Variants in SLC24A2 observed in about 807,000 individuals in gnomAD.
SLC24A2 encodes the protein sodium/potassium/calcium exchanger 2.
In SLC24A2, 36 loss-of-function variants were observed where a neutral mutation model predicts 62.0. The observed-to-expected ratio is 0.58, with a 90% CI of 0.44 to 0.77. The LOEUF (loss-of-function observed/expected upper bound fraction) is 0.77, where lower values mean the gene tolerates loss of function less well. SLC24A2 is among the 30% of genes least tolerant of loss of function. The pLI, the probability that SLC24A2 is intolerant of heterozygous loss-of-function variation, is 0.00. For synonymous variants in SLC24A2, 358 were observed against 294.0 expected, an observed-to-expected ratio of 1.22 and a Z score of -2.23; for missense variants, 846 against 817.9, an observed-to-expected ratio of 1.03 and a Z score of -0.42.
At chr9:19,578,302 G>A (rs1013004712) in intron 5 of SLC24A2, among the ~76,000 whole-genome samples, 4 of 149,780 alleles carry the variant, frequency 2.7e-5, no homozygotes, top group African/African-American at 9.9e-5. Context: ...TAACACAAGT[G>A]CGATGTTTCA....
rs1823184414 is a variant in SLC24A2, at chr9:19,786,676, G to T, written c.191C>A (p.Thr64Lys). 3.1e-6 allele frequency: 5 copies of T among 1,613,692 alleles called. No homozygotes were observed. In the East Asian group the frequency reaches 8.9e-5, roughly 29 times the overall value. Residue 64 changes from threonine to lysine, a missense_variant, in exon 2 of 11, where the codon ACA becomes AAA. Physicochemically the swap from Thr to Lys is moderately conservative, Grantham distance 78. Coordinates refer to ENST00000341998, the MANE Select transcript of SLC24A2 (RefSeq NM_020344.4). This position sits in a 1 kb window ranked among gnomAD's most constrained non-coding sequence, Gnocchi z 5.0. Reference protein sequence around the residue: ...FSISAFSETDTQSTGEASVVS... With the variant: ...FSISAFSETDKQSTGEASVVS... ...AACACTGGCCTCTCCTGTGCTCTGT[G>T]TATCTGTCTCAGAAAAGGCACTGAT...
chr9:19,650,765 C>T (rs1818777348), intron 2 of SLC24A2, among the ~76,000 whole-genome samples: 1 of 151,746 alleles, frequency 6.6e-6, no homozygotes, highest in Admixed American at 6.6e-5. Context: ...CAAACAGCAA[C>T]TAGGATTCAC....
the SLC24A2 span, among the ~76,000 whole-genome samples, chr9:19,868,186 C>G: frequency 6.6e-6 from 1 of 151,718 alleles, no homozygotes; most frequent in Non-Finnish European, 1.5e-5. Context: ...TTATGCAACC[C>G]ATAAATTTTG....
chr9:19,574,252 G>C (rs754561299), intron 6 of SLC24A2, among the ~76,000 whole-genome samples: 1 of 152,210 alleles, frequency 6.6e-6, no homozygotes, highest in Non-Finnish European at 1.5e-5. Flanking sequence ...GCAAGGGGGA[G>C]CTCGACAAGT....
At chr9:19,573,503 C>G (rs767331505) in intron 6 of SLC24A2, 34 bp from the exon 7 acceptor site, 5 of 322,214 alleles carry the variant, frequency 1.6e-5, no homozygotes, top group Non-Finnish European at 2.7e-5. Context: ...CACACACACA[C>G]ACACACACAC....
intron 2 of SLC24A2, among the ~76,000 whole-genome samples, chr9:19,736,021 A>G (rs1404910009): frequency 6.6e-6 from 1 of 152,196 alleles, no homozygotes; most frequent in African/African-American, 2.4e-5. Context: ...AAGAATTAAA[A>G]TATGTGATAA....
chr9:19,576,784 T>C (rs972913564), intron 6 of SLC24A2, 140 bp downstream of exon 6: 2 of 730,424 alleles, frequency 2.7e-6, no homozygotes, highest in African/African-American at 1.7e-5. Context: ...GAGGGACTCA[T>C]TTCCTGTTGC....
intron 2 of SLC24A2, among the ~76,000 whole-genome samples, chr9:19,762,590 G>C (rs576496449): frequency 6.6e-6 from 1 of 152,162 alleles, no homozygotes; most frequent in East Asian, 1.9e-4. Flanking sequence ...GCTTGTTTTT[G>C]TCACATTTGT....
At chr9:20,034,546 G>A in the SLC24A2 span, among the ~76,000 whole-genome samples, 1 of 136,870 alleles carries the variant, frequency 7.3e-6, no homozygotes, top group Non-Finnish European at 1.5e-5. Flanking sequence ...TGCAAGCTCT[G>A]CACCCCCCAC....
At chr9:19,571,532 G>A (rs1490644238) in intron 7 of SLC24A2, among the ~76,000 whole-genome samples, 1 of 152,070 alleles carries the variant, frequency 6.6e-6, no homozygotes, top group Non-Finnish European at 1.5e-5. Flanking sequence ...CTTTAGGGTA[G>A]TGCTACTCCA....
the SLC24A2 span, among the ~76,000 whole-genome samples, chr9:19,904,765 C>A: frequency 9.2e-5 from 14 of 152,080 alleles, no homozygotes; most frequent in African/African-American, 3.1e-4. Context: ...TGACTCATTT[C>A]TTACTGAATG....
chr9:20,005,230 G>A, the SLC24A2 span, among the ~76,000 whole-genome samples: 2 of 152,016 alleles, frequency 1.3e-5, no homozygotes, highest in Admixed American at 6.5e-5. Context: ...CAAGCAAATT[G>A]GAAAGCCCTT....
At chr9:19,756,903 C>CTGTTTTT (rs1822156990) in intron 2 of SLC24A2, among the ~76,000 whole-genome samples, 1 of 78,522 alleles carries the variant, frequency 1.3e-5, no homozygotes, top group East Asian at 4.4e-4. Context: ...TTTACTGAAG[C>CTGTTTTT]TTTTTTTTTT....
rs370050813 is a variant in SLC24A2 at position 19,516,291 on chromosome 9, G to A, written c.1848C>T (p.Phe616=). The change falls in exon 11 of 11, where the codon TTC becomes TTT. Residue 616 remains phenylalanine, a synonymous_variant. Transcript: ENST00000341998. ...TGCAGAGGGCGATAGAGAGGATGAC[G>A]AAGAGCAGCATGATGAAGAGAAGGA... The part of the protein sequence containing the change: ...AIVLLFIMLL[F]VILSIALCKW... 26 of 1,614,184 alleles carry A rather than the reference G, an allele frequency of 1.6e-5. No homozygotes were observed. The highest frequency in any genetic ancestry group is 1.8e-5 in the Non-Finnish European group (21 of 1,180,034).
At chr9:20,114,018 C>A in the SLC24A2 span, among the ~76,000 whole-genome samples, 2 of 152,110 alleles carry the variant, frequency 1.3e-5, no homozygotes, top group South Asian at 2.1e-4. Flanking sequence ...CAGACCACAT[C>A]GTAGGAAAAG....
At chr9:20,072,189 G>A in the SLC24A2 span, among the ~76,000 whole-genome samples, 1 of 152,152 alleles carries the variant, frequency 6.6e-6, no homozygotes, top group Non-Finnish European at 1.5e-5. Context: ...GTGTCAAAAT[G>A]TGATTGGACA....
At chr9:19,904,786 T>G in the SLC24A2 span, among the ~76,000 whole-genome samples, 1 of 152,204 alleles carries the variant, frequency 6.6e-6, no homozygotes, top group Non-Finnish European at 1.5e-5. Flanking sequence ...GATCCACACT[T>G]CTTTTTGCAC....
the SLC24A2 span, among the ~76,000 whole-genome samples, chr9:20,025,060 T>C: frequency 6.6e-6 from 1 of 152,208 alleles, no homozygotes; most frequent in Admixed American, 6.5e-5. Flanking sequence ...ACCCAGGATA[T>C]TCACAATACT....
chr9:20,113,082 T>TG, the SLC24A2 span, among the ~76,000 whole-genome samples: 17,252 of 152,148 alleles, frequency 0.11, 1,029 homozygotes, highest in Middle Eastern at 0.18. Context: ...CTCAGAGTTT[T>TG]GGGGCATAGA....
Sources: allele counts gnomAD v4.1 joint callset (sites outside exome capture counted in the v4.1 genomes callset), GRCh38; gene constraint gnomAD v4.1.1; non-coding constraint Gnocchi (gnomAD v3.1); transcripts MANE v1.5; gene names NCBI Gene and HGNC (gene_info 2026-07-23, HGNC 2026-07-21).